The following CCDC125 variants were observed in gnomAD, a reference collection of about 807,000 sequenced individuals.
The protein encoded by CCDC125 is coiled-coil domain containing 125, also known as coiled-coil domain-containing protein 125.
Under a neutral mutation model 57.4 loss-of-function variants are expected in CCDC125, and 43 were observed. The observed-to-expected ratio is 0.75, with a 90% CI of 0.59 to 0.97. The LOEUF is 0.97. Among genes scored for constraint, CCDC125 ranks in the 50% least tolerant of loss-of-function variants. The pLI is 0.00. For missense variants in CCDC125, 563 were observed against 595.7 expected, an observed-to-expected ratio of 0.95 and a Z score of 0.57; for synonymous variants, 187 against 195.2, an observed-to-expected ratio of 0.96 and a Z score of 0.35.
intron 2 of CCDC125, among the ~76,000 whole-genome samples, chr5:69,316,493 A>G (rs936165623): frequency 2.0e-5 from 3 of 152,140 alleles, no homozygotes; most frequent in Non-Finnish European, 4.4e-5. Flanking sequence ...AAAGGAGTAG[A>G]GTCTTCCCAC....
At position 69,320,404 on chromosome 5, in the gene CCDC125, T is replaced by G. The variant is rs368303091; in HGVS notation, c.137A>C (p.His46Pro). Residue 46 changes from histidine to proline, a missense_variant, in exon 2 of 12, where the codon CAT becomes CCT. Transcript: ENST00000396496. ...PGGIYEIEFS[H>P]RSRKRSDGKN... ...TCCATCTGATCTTTTTCTAGACCTA[T>G]GTGAAAATTCTATTTCATAAATCCC... 6.2e-7 allele frequency: 1 copy of G among 1,614,070 alleles called. No homozygotes were observed. The highest frequency in any genetic ancestry group is 8.5e-7 in the Non-Finnish European group (1 of 1,180,036).
intron 6 of CCDC125, 105 bp from the exon 7 acceptor site, chr5:69,304,034 T>C: frequency 1.6e-6 from 1 of 623,066 alleles, no homozygotes; most frequent in Non-Finnish European, 2.7e-6. Flanking sequence ...ATATAGTTTT[T>C]CCTACTTCAA....
At position 69,282,645 on chromosome 5, in the gene CCDC125, C is replaced by G; in HGVS notation, c.*84G>C. On this transcript the variant is annotated 3_prime_UTR_variant, in exon 12 of 12. Transcript: ENST00000396496. The stretch of plus-strand genomic sequence containing the variant: ...AATACCTAGGAAACATACAACTTCT[C>G]AAGATGCAGCAAAATTTACAAAATC... 8.5e-7 allele frequency: 1 copy of G among 1,182,720 alleles called. No individual in the cohort carries two copies. Among genetic ancestry groups the G allele is most frequent in the South Asian group, 1.6e-5 (1 of 62,958 alleles). 73.3% of individuals were successfully genotyped at this position (1,182,720 alleles called of 1,614,324 possible). A position where few individuals can be genotyped will look rare whatever the true frequency, so the allele number is the denominator to read the frequency against.
intron 3 of CCDC125, among the ~76,000 whole-genome samples, chr5:69,312,147 A>G (rs969917771): frequency 1.3e-5 from 2 of 152,142 alleles, no homozygotes; most frequent in Non-Finnish European, 2.9e-5. Flanking sequence ...TTATAAATTG[A>G]GGGAAATTTG....
intron 7 of CCDC125, among the ~76,000 whole-genome samples, chr5:69,301,848 G>T (rs1756504407): frequency 6.6e-6 from 1 of 151,846 alleles, no homozygotes; most frequent in Non-Finnish European, 1.5e-5. Context: ...AGTGAGCCAA[G>T]ATTGTGCCAC....
intron 6 of CCDC125, among the ~76,000 whole-genome samples, 165 bp from the exon 7 acceptor site, chr5:69,304,094 A>G (rs1756940723): frequency 6.8e-6 from 1 of 147,108 alleles, no homozygotes; most frequent in South Asian, 2.2e-4. Flanking sequence ...ATTTAAAGGA[A>G]TGTGGTAAGA....
intron 4 of CCDC125, chr5:69,308,340 C>T: frequency 2.8e-6 from 1 of 356,718 alleles, no homozygotes; most frequent in Non-Finnish European, 5.3e-6. Context: ...ACCCAAATCT[C>T]ATTTTGAATT....
chr5:69,331,382 A>T (rs62371692), intron 1 of CCDC125, among the ~76,000 whole-genome samples: 66,904 of 150,960 alleles, frequency 0.44, 15,717 homozygotes, highest in South Asian at 0.53. Context: ...ACAGGCGCCC[A>T]CCACCATGCC....
At chr5:69,304,392 A>G (rs2150453019) in intron 6 of CCDC125, among the ~76,000 whole-genome samples, 1 of 150,754 alleles carries the variant, frequency 6.6e-6, no homozygotes, top group Non-Finnish European at 1.5e-5. Context: ...GTTGTGAGCC[A>G]TCATGCCCGG....
chr5:69,300,227 T>C (rs1756163003), intron 7 of CCDC125, 100 bp from the exon 8 acceptor site: 3 of 843,018 alleles, frequency 3.6e-6, no homozygotes, highest in African/African-American at 1.7e-5. Context: ...GTACAAGCAA[T>C]ACACTACCCA....
chr5:69,326,901 A>G (rs1485446553), intron 1 of CCDC125, among the ~76,000 whole-genome samples: 3 of 151,976 alleles, frequency 2.0e-5, no homozygotes. Flanking sequence ...AAAGGAAAAA[A>G]AGAAAACTGC....
intron 6 of CCDC125, among the ~76,000 whole-genome samples, chr5:69,305,947 G>C (rs1757265385): frequency 6.6e-6 from 1 of 152,114 alleles, no homozygotes; most frequent in Non-Finnish European, 1.5e-5. Context: ...ATACCCAACT[G>C]AAATGACTGA....
At chr5:69,304,220 T>C (rs989614090) in intron 6 of CCDC125, among the ~76,000 whole-genome samples, 2 of 151,828 alleles carry the variant, frequency 1.3e-5, no homozygotes, top group African/African-American at 4.8e-5. Context: ...TTCTCCTGCC[T>C]CAGCCTTCCA....
chr5:69,303,530 A>G (rs907265254), intron 7 of CCDC125, among the ~76,000 whole-genome samples: 1 of 150,566 alleles, frequency 6.6e-6, no homozygotes, highest in African/African-American at 2.4e-5. Flanking sequence ...ATGTCTCGCT[A>G]ATTTTTGTAT....
At chr5:69,294,712 A>T in intron 9 of CCDC125, 81 bp downstream of exon 9, 1 of 1,046,564 alleles carries the variant, frequency 9.6e-7, no homozygotes, top group Non-Finnish European at 1.4e-6. Flanking sequence ...AAATGAAGTT[A>T]ATTATTGCAA....
chr5:69,313,509 C>A, intron 3 of CCDC125: 1 of 889,112 alleles, frequency 1.1e-6, no homozygotes, highest in South Asian at 1.3e-5. Flanking sequence ...TGATGGCGTC[C>A]TTGGAGCTGG....
downstream of CCDC125, among the ~76,000 whole-genome samples, chr5:69,279,805 G>C (rs1419049059): frequency 6.6e-6 from 1 of 151,864 alleles, no homozygotes; most frequent in African/African-American, 2.4e-5. Flanking sequence ...CAGGATAGGA[G>C]TGTATTATTC....
intron 8 of CCDC125, among the ~76,000 whole-genome samples, 197 bp downstream of exon 8, chr5:69,299,815 T>C (rs950094375): frequency 2.0e-5 from 3 of 152,220 alleles, no homozygotes; most frequent in Non-Finnish European, 4.4e-5. Flanking sequence ...CATTCCCTCA[T>C]GTCCAAGAAT....
intron 10 of CCDC125, among the ~76,000 whole-genome samples, chr5:69,285,892 C>T (rs1753263004): frequency 6.6e-6 from 1 of 152,128 alleles, no homozygotes; most frequent in Non-Finnish European, 1.5e-5. Flanking sequence ...TTCCGAACAG[C>T]AAAGACCTGG....
Sources: allele counts gnomAD v4.1 joint callset (sites outside exome capture counted in the v4.1 genomes callset), GRCh38; gene constraint gnomAD v4.1.1; transcripts MANE v1.5; gene names NCBI Gene and HGNC (gene_info 2026-07-23, HGNC 2026-07-21).